Variants in EML6 observed in about 807,000 individuals in gnomAD.
EML6 encodes EMAP like 6.
EML6 carries 154 observed loss-of-function variants against 240.1 expected under a neutral mutation model. The observed-to-expected ratio is 0.64, with a 90% CI of 0.56 to 0.73. The LOEUF (loss-of-function observed/expected upper bound fraction) is 0.73. EML6 is among the 30% of genes least tolerant of loss of function. The pLI, the probability that EML6 is intolerant of heterozygous loss-of-function variation, is 0.00. For missense variants in EML6, 2,964 were observed against 2,474.6 expected (o/e 1.20, Z -4.20); for synonymous variants, 1,148 against 899.0 (o/e 1.28, Z -4.95).
At chr2:54,819,746 G>A (rs1157144369) in intron 4 of EML6, among the ~76,000 whole-genome samples, 2 of 143,722 alleles carry the variant, frequency 1.4e-5, no homozygotes, top group African/African-American at 5.2e-5. Flanking sequence ...CTGCACTCCA[G>A]CCTGGTGACG....
chr2:54,884,640 G>A (rs1457292883), intron 17 of EML6, among the ~76,000 whole-genome samples: 1 of 152,180 alleles, frequency 6.6e-6, no homozygotes, highest in Non-Finnish European at 1.5e-5. Flanking sequence ...TGGAGGGGGA[G>A]AATTGAAGAC....
chr2:54,878,847 A>G (rs1367963762), intron 16 of EML6, among the ~76,000 whole-genome samples: 1 of 152,174 alleles, frequency 6.6e-6, no homozygotes, highest in Non-Finnish European at 1.5e-5. Context: ...TTATTCTGGT[A>G]TTGTTTTTTC....
intron 2 of EML6, among the ~76,000 whole-genome samples, chr2:54,757,220 C>G (rs1208158510): frequency 2.0e-5 from 3 of 151,862 alleles, no homozygotes; most frequent in East Asian, 3.9e-4. Flanking sequence ...TGGTCTTTAA[C>G]TTTTAGGTTC....
chr2:54,725,327 C>A lies in EML6; in HGVS notation c.197+69C>A. On this transcript the variant is annotated intron_variant, in intron 2 of 41. Coordinates refer to ENST00000356458, the MANE Select transcript of EML6 (RefSeq NM_001039753.4). The surrounding 1 kb of genome is among the most constrained non-coding windows in gnomAD (Gnocchi z 4.3). ...GGCTGGGAAGGTGGGAAGCGGTTGA[C>A]CTGGGGTCGGATCCGGGAGCCCCGT... 8.2e-7 allele frequency: 1 copy of A among 1,222,442 alleles called. No homozygotes were observed. The allele number at this position is 1,222,442 out of a possible 1,614,324, so 75.7% of individuals were successfully genotyped here. A position where few individuals can be genotyped will look rare whatever the true frequency, so the allele number is the denominator to read the frequency against.
intron 4 of EML6, among the ~76,000 whole-genome samples, chr2:54,819,189 T>C (rs1346757227): frequency 6.6e-6 from 1 of 152,134 alleles, no homozygotes; most frequent in African/African-American, 2.4e-5. Flanking sequence ...GTGGTCTAGG[T>C]TATTTCTCTG....
chr2:54,959,124 T>G lies in EML6; in HGVS notation c.4716T>G (p.Gly1572=), dbSNP rs955509429. ...TACAGAACAATCTCACTTTCACGGG[T>G]GCCATCAATGGAGATGTCTACGTCT... is the stretch of plus-strand genomic sequence containing the variant. The part of the protein sequence containing the change: ...AFGANNLTFT[G]AINGDVYVWK... Residue 1572 remains glycine (G), a synonymous_variant, in exon 34 of 42, where the codon GGT becomes GGG. Transcript: ENST00000356458. The G allele has an allele frequency of 8.4e-6, 13 of 1,551,152 alleles. No individual in the cohort carries two copies.
At position 54,897,407 on chromosome 2, in the gene EML6, A is replaced by C. The variant is rs1020581792; in HGVS notation, c.2982+2007A>C. Among the ~76,000 whole-genome samples, 4 of 152,228 alleles carry C rather than the reference A, an allele frequency of 2.6e-5. No individual in the cohort carries two copies. The East Asian group carries it at 7.7e-4, about 29-fold the overall frequency. Reference sequence around the variant, plus strand: ...CTGTGTCAGGCAATACCGTTGTACGACATTTGTCTCATCTCCACAACAGAT... The same window carrying C: ...CTGTGTCAGGCAATACCGTTGTACGCCATTTGTCTCATCTCCACAACAGAT... On this transcript the variant is annotated intron_variant, in intron 21 of 41. Coordinates refer to ENST00000356458, the MANE Select transcript of EML6 (RefSeq NM_001039753.4).
At chr2:54,937,719 G>C (rs569799430) in intron 28 of EML6, among the ~76,000 whole-genome samples, 1 of 152,208 alleles carries the variant, frequency 6.6e-6, no homozygotes, top group Admixed American at 6.5e-5. Flanking sequence ...ATTTTATCCA[G>C]TTATTCAGCT....
rs541875853 is a variant in EML6 at position 54,888,875 on chromosome 2, A to G, written c.2439-2179A>G. Among the ~76,000 whole-genome samples, 8 of 152,330 alleles carry G rather than the reference A, an allele frequency of 5.3e-5. 1 individual carries two copies. Among genetic ancestry groups the G allele is most frequent in the African/African-American group, 1.9e-4 (8 of 41,576 alleles). ...AAGTTTTCAGCTTATTTAGGCAAAT[A>G]TCAAGGAATGTAATTGCTGGTCGTA... On this transcript the variant is annotated intron_variant, in intron 17 of 41. Coordinates refer to ENST00000356458, the MANE Select transcript of EML6 (RefSeq NM_001039753.4).
intron 40 of EML6, 40 bp from the exon 41 acceptor site, chr2:54,968,628 C>T: frequency 8.3e-7 from 1 of 1,206,040 alleles, no homozygotes; most frequent in East Asian, 2.5e-5. Flanking sequence ...CTGAGAGGAG[C>T]CAGGGTCTCT....
At chr2:54,760,708 A>C (rs1667940897) in intron 2 of EML6, among the ~76,000 whole-genome samples, 1 of 152,180 alleles carries the variant, frequency 6.6e-6, no homozygotes, top group Non-Finnish European at 1.5e-5. Flanking sequence ...TCCCTTATAC[A>C]AACAAACCTT....
Position 54,962,587 on chromosome 2 carries a change from C to T in EML6, c.5033C>T (p.Ser1678Phe), listed in dbSNP as rs1358785544. 2 of 1,550,162 alleles carry T rather than the reference C, an allele frequency of 1.3e-6. No individual in the cohort carries two copies. Among genetic ancestry groups the T allele is most frequent in the Admixed American group, 2.0e-5 (1 of 50,662 alleles). Residue 1678 changes from serine to phenylalanine, a missense_variant, in exon 36 of 42, where the codon TCT becomes TTT. Ser to Phe is a radical substitution (Grantham distance 155). Transcript: ENST00000356458. ...GAAGTTGGTGAAAAAAATGCTGCTTCTAACATCCTGATTGATGGTCACATG... is the reference window on the plus strand; with the variant it reads ...GAAGTTGGTGAAAAAAATGCTGCTTTTAACATCCTGATTGATGGTCACATG... ...IIEVGEKNAA[S>F]NILIDGHMEG...
chr2:54,801,414 T>G (rs1171638077), intron 2 of EML6, among the ~76,000 whole-genome samples: 1 of 152,182 alleles, frequency 6.6e-6, no homozygotes, highest in Non-Finnish European at 1.5e-5. Flanking sequence ...TGGGTCAGCC[T>G]TGGCCTGAAG....
intron 2 of EML6, among the ~76,000 whole-genome samples, chr2:54,732,243 G>A (rs1333842701): frequency 6.6e-6 from 1 of 151,788 alleles, no homozygotes; most frequent in African/African-American, 2.4e-5. Context: ...CCCATTCAGT[G>A]AGTTGTCCTA....
rs544638450 is a variant in EML6 at position 54,962,006 on chromosome 2, AAAAC to A, written c.4969-509_4969-506del. Among the ~76,000 whole-genome samples, 630 of 151,754 alleles carry A rather than the reference AAAAC, an allele frequency of 4.2e-3. 2 individuals are homozygous for A. The highest frequency in any genetic ancestry group is 0.014 in the African/African-American group (596 of 41,406). The stretch of plus-strand genomic sequence containing the variant: ...GTGACAGAGTGAGACCCTGCCTCAA[AAAAC>A]AAACAAAAACAACACTTCTCACCCC... On this transcript the variant is annotated intron_variant, in intron 35 of 41. Coordinates refer to ENST00000356458, the MANE Select transcript of EML6 (RefSeq NM_001039753.4).
In EML6 at chr2:54,879,577, T is replaced by C. The variant is rs1320631267; in HGVS notation, c.2375T>C (p.Leu792Ser). ...GGAAAATGTCTGGTGTCGGTTGGTT[T>C]AGACGATTTTCACAGTATTGTATTT... Reference protein sequence around the residue: ...ADGKCLVSVGLDDFHSIVFWD... With the variant: ...ADGKCLVSVGSDDFHSIVFWD... The change falls in exon 17 of 42, where the codon TTA (leucine) becomes TCA (serine). Residue 792 changes from leucine to serine, a missense_variant. By Grantham distance (145) the Leu-to-Ser change is moderately radical. Transcript: ENST00000356458. 8 of 1,551,930 alleles carry C rather than the reference T, an allele frequency of 5.2e-6. No individual in the cohort carries two copies. Among genetic ancestry groups the C allele is most frequent in the Non-Finnish European group, 7.0e-6 (8 of 1,146,956 alleles).
chr2:54,855,586 G>A (rs915608282), intron 11 of EML6, among the ~76,000 whole-genome samples: 3 of 151,368 alleles, frequency 2.0e-5, no homozygotes, highest in Non-Finnish European at 2.9e-5. Flanking sequence ...ATAAAAAACA[G>A]CTCTTTGGAT....
chr2:54,946,180 T>A (rs1675686456), intron 28 of EML6, among the ~76,000 whole-genome samples: 1 of 152,148 alleles, frequency 6.6e-6, no homozygotes, highest in Non-Finnish European at 1.5e-5. Context: ...GGAAGCTCTT[T>A]CTCCTTTGTT....
At chr2:54,756,644 T>TC (rs1667744580) in intron 2 of EML6, among the ~76,000 whole-genome samples, 2 of 152,046 alleles carry the variant, frequency 1.3e-5, no homozygotes, top group African/African-American at 4.8e-5. Flanking sequence ...AGCATTTTTT[T>TC]CTACAAAAAG....
Sources: allele counts gnomAD v4.1 joint callset (sites outside exome capture counted in the v4.1 genomes callset), GRCh38; gene constraint gnomAD v4.1.1; non-coding constraint Gnocchi (gnomAD v3.1); transcripts MANE v1.5; gene names NCBI Gene and HGNC (gene_info 2026-07-23, HGNC 2026-07-21).